The following PPP2R2C variants were observed in gnomAD, a reference collection of about 807,000 sequenced individuals.
PPP2R2C encodes protein phosphatase 2 regulatory subunit Bgamma, also known as protein phosphatase 2, regulatory subunit B, gamma.
Under a neutral mutation model 45.3 loss-of-function variants are expected in PPP2R2C, and 10 were observed. The ratio of observed to expected loss-of-function variants is 0.22; its 90% CI spans 0.14 to 0.37. The LOEUF (loss-of-function observed/expected upper bound fraction) is 0.37. PPP2R2C is among the 10% of genes least tolerant of loss of function. The pLI, the probability that PPP2R2C is intolerant of heterozygous loss-of-function variation, is 1.00. For synonymous variants in PPP2R2C, 257 were observed against 245.4 expected, an observed-to-expected ratio of 1.05 and a Z score of -0.44; for missense variants, 308 against 619.7, an observed-to-expected ratio of 0.50 and a Z score of 5.34.
At chr4:6,554,930 GGAAA>G (rs71173447) in intron 1 of PPP2R2C, among the ~76,000 whole-genome samples, 5,945 of 114,368 alleles carry the variant, frequency 0.052, 303 homozygotes, top group Non-Finnish European at 0.067. Context: ...AAGGAAGGAA[GGAAA>G]GAAAGAAAGA....
intron 1 of PPP2R2C, among the ~76,000 whole-genome samples, chr4:6,450,434 CA>C (rs1471901769): frequency 6.6e-6 from 1 of 152,182 alleles, no homozygotes; most frequent in African/African-American, 2.4e-5. Context: ...ACAGAAAAAT[CA>C]AGCAACGGTT....
At chr4:6,468,718 AAAGG>A (rs1179670919) in intron 1 of PPP2R2C, among the ~76,000 whole-genome samples, 3 of 152,164 alleles carry the variant, frequency 2.0e-5, no homozygotes, top group Admixed American at 6.5e-5. Context: ...GGTGCTAAGC[AAAGG>A]AAGGATGGAT....
intron 3 of PPP2R2C, among the ~76,000 whole-genome samples, chr4:6,376,949 C>G (rs1005487082): frequency 6.6e-6 from 1 of 152,178 alleles, no homozygotes; most frequent in Non-Finnish European, 1.5e-5. Flanking sequence ...ATCAGAACAG[C>G]AGGTGCCCAG....
At position 6,394,804 on chromosome 4, in the gene PPP2R2C, G is replaced by A. The variant is rs533799026; in HGVS notation, c.71-13710C>T. On this transcript the variant is annotated intron_variant, in intron 1 of 8. Coordinates refer to ENST00000382599, the MANE Select transcript of PPP2R2C (RefSeq NM_020416.4). ...GCCTTTTAGACCCCAGCCGGCAGGC[G>A]GGCGATGGGGGCCAAACTGGCCTGG... Among the ~76,000 whole-genome samples the A allele has an allele frequency of 1.8e-4, 27 of 152,316 alleles. No homozygotes were observed. The East Asian group carries it at 2.1e-3, about 12-fold the overall frequency.
intron 8 of PPP2R2C, among the ~76,000 whole-genome samples, chr4:6,327,399 G>T (rs972735794): frequency 6.6e-6 from 1 of 152,200 alleles, no homozygotes; most frequent in Admixed American, 6.5e-5. Context: ...TGTCAGCCTG[G>T]GGATGCTTGG....
chr4:6,364,484 T>G lies in PPP2R2C; in HGVS notation c.625+8039A>C, dbSNP rs193248660. 7.5e-3 allele frequency among the ~76,000 whole-genome samples: 1,138 copies of G among 151,120 alleles called. 50 individuals are homozygous for G. Among genetic ancestry groups the G allele is most frequent in the Admixed American group, 0.063 (953 of 15,224 alleles). On this transcript the variant is annotated intron_variant, in intron 5 of 8. Transcript: ENST00000382599. This position sits in a 1 kb window ranked among gnomAD's most constrained non-coding sequence, Gnocchi z 5.3. Reference sequence around the variant, plus strand: ...GCAAGGAGTGACATGATCTTGTCGTTTTTTTTTTTCTCATGTTGTAGGAGA... The same window carrying G: ...GCAAGGAGTGACATGATCTTGTCGTGTTTTTTTTTCTCATGTTGTAGGAGA...
intron 2 of PPP2R2C, among the ~76,000 whole-genome samples, chr4:6,513,096 T>C (rs1020161604): frequency 2.6e-5 from 4 of 152,198 alleles, no homozygotes; most frequent in Non-Finnish European, 5.9e-5. Context: ...AATTTGATTA[T>C]ATCATAAAGC....
chr4:6,516,404 G>T (rs942478957), intron 2 of PPP2R2C, among the ~76,000 whole-genome samples: 9 of 152,342 alleles, frequency 5.9e-5, no homozygotes, highest in Admixed American at 3.3e-4. Context: ...TGCAAGGTGA[G>T]GACCACCACT....
chr4:6,387,945 T>G (rs1487781223), intron 1 of PPP2R2C, among the ~76,000 whole-genome samples: 1 of 152,228 alleles, frequency 6.6e-6, no homozygotes, highest in Non-Finnish European at 1.5e-5. Flanking sequence ...TTGGTCAAAC[T>G]TTCCCAAAGT....
At chr4:6,523,207 C>G (rs892086874) in intron 2 of PPP2R2C, among the ~76,000 whole-genome samples, 2 of 152,156 alleles carry the variant, frequency 1.3e-5, no homozygotes, top group African/African-American at 4.8e-5. Flanking sequence ...AGCAGCTGCT[C>G]CAGAGGAAAT....
At chr4:6,393,146 C>CAGAACAGA in intron 1 of PPP2R2C, among the ~76,000 whole-genome samples, 1 of 152,330 alleles carries the variant, frequency 6.6e-6, no homozygotes, top group Admixed American at 6.5e-5. Context: ...TCACCACAGT[C>CAGAACAGA]TAATGCCAGA....
chr4:6,421,209 C>T, intron 1 of PPP2R2C: 1 of 863,060 alleles, frequency 1.2e-6, no homozygotes, highest in African/African-American at 1.8e-5. Flanking sequence ...CCACCTGGAC[C>T]CAGGAGCCAA....
intron 1 of PPP2R2C, among the ~76,000 whole-genome samples, chr4:6,416,281 A>G (rs972359145): frequency 6.6e-6 from 1 of 152,126 alleles, no homozygotes; most frequent in African/African-American, 2.4e-5. Flanking sequence ...GGTTTTCCCC[A>G]TTTTACAACA....
chr4:6,505,245 G>A (rs1207892653), intron 2 of PPP2R2C, among the ~76,000 whole-genome samples: 2 of 151,962 alleles, frequency 1.3e-5, no homozygotes, highest in Non-Finnish European at 2.9e-5. Context: ...GACATTTTCA[G>A]ATTTAAAAAA....
intron 1 of PPP2R2C, among the ~76,000 whole-genome samples, chr4:6,539,821 C>A (rs1293965302): frequency 1.3e-5 from 2 of 152,198 alleles, no homozygotes; most frequent in East Asian, 1.9e-4. Context: ...CCCCATACGA[C>A]AAGTGAGGCC....
rs115287905 is a variant in PPP2R2C at position 6,480,337 on chromosome 4, G to C, written c.49+54934C>G. 4.4e-3 allele frequency among the ~76,000 whole-genome samples: 670 copies of C among 152,126 alleles called. 7 individuals are homozygous for C. Among genetic ancestry groups the C allele is most frequent in the African/African-American group, 0.015 (638 of 41,498 alleles). The stretch of plus-strand genomic sequence containing the variant: ...GGCAGAAAACAATCAATGGTGTGCC[G>C]GAGCTTGCCCCAAGAACCTTCTCGC... On this transcript the variant is annotated intron_variant, in intron 2 of 9. Coordinates refer to the PPP2R2C transcript ENST00000506140.
chr4:6,458,558 G>A (rs777082353), intron 1 of PPP2R2C, among the ~76,000 whole-genome samples: 31 of 152,164 alleles, frequency 2.0e-4, no homozygotes, highest in Non-Finnish European at 4.1e-4. Context: ...TGGGGGTCTG[G>A]ATTTCAACCT....
At chr4:6,511,570 GTGA>G (rs1560593998) in intron 2 of PPP2R2C, among the ~76,000 whole-genome samples, 14 of 58,082 alleles carry the variant, frequency 2.4e-4, no homozygotes, top group South Asian at 7.9e-4. Context: ...GGTGGTGGTG[GTGA>G]TGGCGGTGGT....
chr4:6,416,652 C>T (rs978521272), intron 1 of PPP2R2C, among the ~76,000 whole-genome samples: 15 of 152,238 alleles, frequency 9.9e-5, no homozygotes, highest in Non-Finnish European at 1.3e-4. Flanking sequence ...GCAGCCACCC[C>T]GATGCGCTGG....
Sources: allele counts gnomAD v4.1 joint callset (sites outside exome capture counted in the v4.1 genomes callset), GRCh38; gene constraint gnomAD v4.1.1; non-coding constraint Gnocchi (gnomAD v3.1); transcripts MANE v1.5; gene names NCBI Gene and HGNC (gene_info 2026-07-23, HGNC 2026-07-21).